The following NFATC3 variants were observed in gnomAD, a reference collection of about 807,000 sequenced individuals.
NFATC3 encodes the protein nuclear factor of activated T-cells, cytoplasmic 3.
In NFATC3, 46 loss-of-function variants were observed where a neutral mutation model predicts 98.6. That is an observed-to-expected ratio of 0.47 (90% CI 0.37 to 0.60). The LOEUF (loss-of-function observed/expected upper bound fraction) is 0.60. Among genes scored for constraint, NFATC3 ranks in the 20% least tolerant of loss-of-function variants. NFATC3 has a pLI of 0.00. For missense variants in NFATC3, 1,256 were observed against 1,295.5 expected (o/e 0.97, Z 0.47); for synonymous variants, 512 against 472.2 (o/e 1.08, Z -1.09).
At chr16:68,085,947 G>T (rs974580752) in intron 1 of NFATC3, 163 bp downstream of exon 1, 4 of 518,240 alleles carry the variant, frequency 7.7e-6, no homozygotes, top group African/African-American at 4.1e-5. Flanking sequence ...AATCGCTGAG[G>T]AGGCGTGTGG....
At chr16:68,132,174 T>C (rs2037146357) in intron 3 of NFATC3, among the ~76,000 whole-genome samples, 1 of 152,078 alleles carries the variant, frequency 6.6e-6, no homozygotes, top group Non-Finnish European at 1.5e-5. Context: ...ATAAACAAAA[T>C]GTATGTGTGT....
chr16:68,102,157 C>T (rs935979147), intron 1 of NFATC3, among the ~76,000 whole-genome samples: 11 of 151,704 alleles, frequency 7.3e-5, no homozygotes, highest in Admixed American at 5.9e-4. Flanking sequence ...GAATCACAAG[C>T]TTAGGAGTTA....
At chr16:68,094,051 T>C (rs1331893365) in intron 1 of NFATC3, among the ~76,000 whole-genome samples, 1 of 152,212 alleles carries the variant, frequency 6.6e-6, no homozygotes. Flanking sequence ...AGTGATACAG[T>C]TAGACCAATA....
intron 5 of NFATC3, among the ~76,000 whole-genome samples, chr16:68,168,164 G>T (rs2151599144): frequency 6.8e-6 from 1 of 146,508 alleles, no homozygotes. Context: ...CAGGTGAGGG[G>T]GTTGGGTGTT....
At chr16:68,126,319 AG>A in intron 2 of NFATC3, 128 bp from the exon 3 acceptor site, 1 of 721,120 alleles carries the variant, frequency 1.4e-6, no homozygotes, top group Non-Finnish European at 2.2e-6. Context: ...TACTAAATGA[AG>A]TTTTATTTTG....
At chr16:68,120,812 T>A (rs1300551577) in intron 1 of NFATC3, among the ~76,000 whole-genome samples, 1 of 152,120 alleles carries the variant, frequency 6.6e-6, no homozygotes, top group East Asian at 1.9e-4. Context: ...TTGGATAATA[T>A]ATACAGGTTG....
chr16:68,134,978 A>G (rs2151526646), intron 3 of NFATC3, among the ~76,000 whole-genome samples: 1 of 150,424 alleles, frequency 6.6e-6, no homozygotes, highest in African/African-American at 2.4e-5. Context: ...GGACTGATAC[A>G]GTCTCTTTTT....
chr16:68,159,202 C>T (rs943282747), intron 4 of NFATC3, among the ~76,000 whole-genome samples: 1 of 152,136 alleles, frequency 6.6e-6, no homozygotes, highest in South Asian at 2.1e-4. Context: ...TGCCACTACA[C>T]TCCAGCCTGG....
intron 1 of NFATC3, among the ~76,000 whole-genome samples, chr16:68,093,006 T>C (rs1441750810): frequency 4.6e-5 from 7 of 152,228 alleles, no homozygotes; most frequent in African/African-American, 1.7e-4. Context: ...GTTCTGAAAG[T>C]CATAGTTGAG....
At chr16:68,121,958 T>C (rs748513286) in intron 1 of NFATC3, 29 bp from the exon 2 acceptor site, 9 of 261,706 alleles carry the variant, frequency 3.4e-5, no homozygotes, top group Non-Finnish European at 4.9e-5. Flanking sequence ...TTTTGTTGGG[T>C]TTTTTTTTTT....
intron 3 of NFATC3, among the ~76,000 whole-genome samples, chr16:68,151,134 G>A (rs572748558): frequency 9.9e-5 from 15 of 151,990 alleles, no homozygotes; most frequent in East Asian, 1.9e-4. Context: ...GCAGGAGGAC[G>A]TTTGAGTCAA....
intron 3 of NFATC3, chr16:68,138,422 G>GT: frequency 2.1e-6 from 2 of 948,842 alleles, no homozygotes; most frequent in Non-Finnish European, 2.8e-6. Flanking sequence ...CCTAACTACT[G>GT]TAACTAATAA....
intron 1 of NFATC3, among the ~76,000 whole-genome samples, chr16:68,096,369 A>G (rs1271711750): frequency 1.3e-5 from 2 of 152,252 alleles, no homozygotes; most frequent in Non-Finnish European, 2.9e-5. Flanking sequence ...AGAAGAAGAG[A>G]AAGTAGTAAC....
At position 68,122,664 on chromosome 16, in the gene NFATC3, T is replaced by C. The variant is rs373664099; in HGVS notation, c.781T>C (p.Ser261Pro). The C allele has an allele frequency of 2.2e-5, 35 of 1,614,006 alleles. No individual in the cohort carries two copies. In the Admixed American group the frequency reaches 3.8e-4, roughly 18 times the overall value. Residue 261 changes from serine (S) to proline (P), a missense_variant, in exon 2 of 10, where the codon TCA (serine) becomes CCA (proline). By Grantham distance (74) the Ser-to-Pro change is moderately conservative. Around this residue, in one of 3 missense-constraint regions of NFATC3, gnomAD observed 464 missense variants for 465.7 expected, o/e 1.00. Coordinates refer to ENST00000346183, the MANE Select transcript of NFATC3 (RefSeq NM_173165.3). The part of the protein sequence containing the change: ...DENWLSPRPA[S>P]GPSSRPTSPC... Reference sequence around the variant, plus strand: ...GAATTGGCTGAGCCCCAGGCCAGCCTCAGGACCCTCATCAAGGCCCACATC... The same window carrying C: ...GAATTGGCTGAGCCCCAGGCCAGCCCCAGGACCCTCATCAAGGCCCACATC...
chr16:68,149,711 T>C (rs2038216676), intron 3 of NFATC3, among the ~76,000 whole-genome samples: 1 of 152,294 alleles, frequency 6.6e-6, no homozygotes, highest in South Asian at 2.1e-4. Context: ...GATCCAGAAT[T>C]GGTGATAAAT....
At chr16:68,105,996 A>G (rs2035633660) in intron 1 of NFATC3, among the ~76,000 whole-genome samples, 1 of 151,984 alleles carries the variant, frequency 6.6e-6, no homozygotes, top group Non-Finnish European at 1.5e-5. Context: ...CTCCTGCCTC[A>G]GCCTCCCTAG....
chr16:68,098,297 A>ATTTT lies in NFATC3; in HGVS notation c.103+12515_103+12516insTTTT, dbSNP rs71382032. ...TATTATTATTATTATTATTATTATT[A>ATTTT]TTATTTTTTTTTTTTTTTTTTTAGA... is the stretch of plus-strand genomic sequence containing the variant. On this transcript the variant is annotated intron_variant, in intron 1 of 9. Coordinates refer to ENST00000346183, the MANE Select transcript of NFATC3 (RefSeq NM_173165.3). 6.7e-3 allele frequency among the ~76,000 whole-genome samples: 678 copies of ATTTT among 101,316 alleles called. 34 individuals are homozygous for ATTTT. The highest frequency in any genetic ancestry group is 0.026 in the African/African-American group (596 of 22,976). The allele number at this position is 101,316 out of a possible 152,430, so 66.5% of individuals were successfully genotyped here. A position where few individuals can be genotyped will look rare whatever the true frequency, so the allele number is the denominator to read the frequency against.
intron 3 of NFATC3, among the ~76,000 whole-genome samples, chr16:68,153,055 A>G (rs1424737452): frequency 6.6e-6 from 1 of 152,174 alleles, no homozygotes; most frequent in African/African-American, 2.4e-5. Flanking sequence ...GCAGATATCG[A>G]ATGTCATTCT....
At chr16:68,216,884 C>T (rs767929465) in intron 9 of NFATC3, among the ~76,000 whole-genome samples, 15 of 152,240 alleles carry the variant, frequency 9.9e-5, no homozygotes, top group Admixed American at 3.3e-4. Flanking sequence ...GATTTTCCCC[C>T]TCAATCCGTT....
Sources: allele counts gnomAD v4.1 joint callset (sites outside exome capture counted in the v4.1 genomes callset), GRCh38; gene constraint gnomAD v4.1.1; regional missense constraint gnomAD v4.1.1; transcripts MANE v1.5; gene names NCBI Gene and HGNC (gene_info 2026-07-23, HGNC 2026-07-21).